Variants in PIK3R3 observed in about 807,000 individuals in gnomAD.
PIK3R3 encodes the protein phosphatidylinositol 3-kinase regulatory subunit gamma.
Under a neutral mutation model 62.9 loss-of-function variants are expected in PIK3R3, and 64 were observed. The ratio of observed to expected loss-of-function variants is 1.02; its 90% confidence interval spans 0.83 to 1.25. The LOEUF (loss-of-function observed/expected upper bound fraction) is 1.25. Among genes scored for constraint, PIK3R3 ranks in the 50% most tolerant of loss-of-function variants. PIK3R3 has a pLI of 0.00. For synonymous variants in PIK3R3, 165 were observed against 189.0 expected (o/e 0.87, Z 1.04); for missense variants, 614 against 561.6 (o/e 1.09, Z -0.94).
chr1:46,078,443 G>C (rs1313830554), intron 2 of PIK3R3, among the ~76,000 whole-genome samples: 1 of 152,198 alleles, frequency 6.6e-6, no homozygotes, highest in African/African-American at 2.4e-5. Flanking sequence ...TTGGGAGGCT[G>C]AGACAGGGGA....
chr1:46,169,427 C>T, the PIK3R3 span, among the ~76,000 whole-genome samples: 1 of 152,148 alleles, frequency 6.6e-6, no homozygotes, highest in Non-Finnish European at 1.5e-5. Context: ...CCTGCATTCT[C>T]CCCTGAAGCT....
chr1:46,059,410 C>T (rs866236757), intron 6 of PIK3R3, among the ~76,000 whole-genome samples: 10 of 152,222 alleles, frequency 6.6e-5, no homozygotes, highest in Admixed American at 2.0e-4. Flanking sequence ...GGTAAGCACG[C>T]AACAGATGAC....
At chr1:46,097,803 C>T (rs1303333610) in intron 1 of PIK3R3, among the ~76,000 whole-genome samples, 2 of 150,610 alleles carry the variant, frequency 1.3e-5, no homozygotes, top group Admixed American at 6.7e-5. Context: ...GCAGGAGAAT[C>T]ACTTGAACCC....
At position 46,055,791 on chromosome 1, in the gene PIK3R3, T is replaced by C. The variant is rs1190139300; in HGVS notation, c.941+4A>G. On this transcript the variant is annotated splice_donor_region_variant and intron_variant, in intron 7 of 9. Transcript: ENST00000262741. The stretch of plus-strand genomic sequence containing the variant: ...CCCTCCCCATACACTCCCAGACTAC[T>C]TACACAAGGTGTTGATCTCGGATCT... 3 of 1,578,866 alleles carry C rather than the reference T, an allele frequency of 1.9e-6. No individual in the cohort carries two copies. The highest frequency in any genetic ancestry group is 2.6e-6 in the Non-Finnish European group (3 of 1,163,414).
chr1:46,153,121 A>G, the PIK3R3 span, among the ~76,000 whole-genome samples: 23 of 152,342 alleles, frequency 1.5e-4, no homozygotes, highest in African/African-American at 5.3e-4. Flanking sequence ...TTCTAGAGGT[A>G]ATGATGAGTC....
chr1:46,127,866 A>C (rs574895620), intron 1 of PIK3R3, among the ~76,000 whole-genome samples: 1 of 152,182 alleles, frequency 6.6e-6, no homozygotes, highest in Non-Finnish European at 1.5e-5. Flanking sequence ...CCTAGCCAAA[A>C]ATAAAAAGTT....
intron 3 of PIK3R3, 34 bp downstream of exon 3, chr1:46,077,481 T>C (rs753525791): frequency 8.3e-6 from 9 of 1,090,010 alleles, no homozygotes; most frequent in African/African-American, 3.1e-5. Flanking sequence ...ATAACATCAG[T>C]AGAGAACTAG....
At chr1:46,065,099 A>G (rs1415472592) in intron 5 of PIK3R3, among the ~76,000 whole-genome samples, 4 of 152,220 alleles carry the variant, frequency 2.6e-5, no homozygotes, top group African/African-American at 9.6e-5. Flanking sequence ...GTTCCAAGAC[A>G]ATGTACATGA....
chr1:46,130,339 T>C (rs1032935726), intron 1 of PIK3R3, among the ~76,000 whole-genome samples: 1 of 152,220 alleles, frequency 6.6e-6, no homozygotes, highest in Non-Finnish European at 1.5e-5. Context: ...CTAACATGCT[T>C]TACCGTTAGG....
At chr1:46,097,258 A>G (rs1652222610) in intron 1 of PIK3R3, among the ~76,000 whole-genome samples, 1 of 152,046 alleles carries the variant, frequency 6.6e-6, no homozygotes, top group African/African-American at 2.4e-5. Context: ...AAAATTAAAC[A>G]CCCTACCAGG....
chr1:46,159,736 CAT>C, the PIK3R3 span, among the ~76,000 whole-genome samples: 2 of 107,090 alleles, frequency 1.9e-5, no homozygotes, highest in Non-Finnish European at 4.1e-5. Flanking sequence ...CTATGAGTAC[CAT>C]ACACACACAC....
chr1:46,040,982 C>T lies in PIK3R3; in HGVS notation c.*2691G>A, dbSNP rs1454288310. The T allele has an allele frequency of 1.2e-5, 2 of 169,924 alleles. No individual in the cohort carries two copies. The highest frequency in any genetic ancestry group is 1.3e-4 in the Admixed American group (2 of 15,660). 10.5% of individuals were successfully genotyped at this position (169,924 alleles called of 1,614,324 possible). A position where few individuals can be genotyped will look rare whatever the true frequency, so the allele number is the denominator to read the frequency against. On this transcript the variant is annotated 3_prime_UTR_variant, in exon 10 of 10. Coordinates refer to ENST00000262741, the MANE Select transcript of PIK3R3 (RefSeq NM_003629.4). Reference sequence around the variant, plus strand: ...GGGCCTAGTACCTGTGTCCAGCCAGCCCCAAGCTGCTTGCATGTCAGTAGC... The same window carrying T: ...GGGCCTAGTACCTGTGTCCAGCCAGTCCCAAGCTGCTTGCATGTCAGTAGC...
chr1:46,040,883 C>A lies in PIK3R3; in HGVS notation c.*2790G>T, dbSNP rs1025652527. Reference sequence around the variant, plus strand: ...AGGACGCAGGCAGTCTATCCAGGCCCGAATCATGGCGTGCCATCTAAGGCC... The same window carrying A: ...AGGACGCAGGCAGTCTATCCAGGCCAGAATCATGGCGTGCCATCTAAGGCC... On this transcript the variant is annotated 3_prime_UTR_variant, in exon 10 of 10. Coordinates refer to ENST00000262741, the MANE Select transcript of PIK3R3 (RefSeq NM_003629.4). 1.1e-5 allele frequency: 2 copies of A among 178,568 alleles called. No individual in the cohort carries two copies. Among genetic ancestry groups the A allele is most frequent in the African/African-American group, 4.7e-5 (2 of 42,274 alleles). 11.1% of individuals were successfully genotyped at this position (178,568 alleles called of 1,614,324 possible).
chr1:46,166,003 T>C, the PIK3R3 span, among the ~76,000 whole-genome samples: 1 of 150,386 alleles, frequency 6.6e-6, no homozygotes, highest in Non-Finnish European at 1.5e-5. Context: ...CTCGATCTCC[T>C]GACCTCGTGA....
At chr1:46,166,713 G>A in the PIK3R3 span, among the ~76,000 whole-genome samples, 16 of 152,266 alleles carry the variant, frequency 1.1e-4, no homozygotes, top group African/African-American at 3.4e-4. Context: ...AGGGTACCTC[G>A]AGGATGAGAA....
At chr1:46,049,801 T>C (rs1181330807) in intron 7 of PIK3R3, among the ~76,000 whole-genome samples, 1 of 151,780 alleles carries the variant, frequency 6.6e-6, no homozygotes, top group African/African-American at 2.4e-5. Flanking sequence ...AGTGGGAGCT[T>C]GGAATAAATT....
intron 1 of PIK3R3, among the ~76,000 whole-genome samples, chr1:46,096,852 AAAAG>A (rs1449843988): frequency 1.3e-5 from 2 of 151,824 alleles, no homozygotes; most frequent in Non-Finnish European, 2.9e-5. Context: ...AAAAAAAAAA[AAAAG>A]AAAGAAAAAA....
At chr1:46,144,061 C>G in the PIK3R3 span, among the ~76,000 whole-genome samples, 2 of 152,132 alleles carry the variant, frequency 1.3e-5, no homozygotes, top group Non-Finnish European at 2.9e-5. Flanking sequence ...CTGGCCATAG[C>G]TGGTAGGGCC....
intron 1 of PIK3R3, among the ~76,000 whole-genome samples, chr1:46,104,294 G>A (rs1290695158): frequency 6.6e-6 from 1 of 152,208 alleles, no homozygotes; most frequent in East Asian, 1.9e-4. Flanking sequence ...TGTTCTGGTA[G>A]ATTTTTTAAA....
Sources: gnomAD v4.1 joint callset for allele counts (sites outside exome capture counted in the v4.1 genomes callset) on GRCh38, gnomAD v4.1.1 for gene constraint, MANE v1.5 for transcripts, NCBI Gene and HGNC (gene_info 2026-07-23, HGNC 2026-07-21) for gene names.